ZFHX3: variants seen among roughly 807,000 people sequenced by gnomAD.
ZFHX3 encodes zinc finger homeobox protein 3.
In ZFHX3, 42 loss-of-function variants were observed where a neutral mutation model predicts 279.1. The observed-to-expected ratio is 0.15, with a 90% CI of 0.12 to 0.19. The LOEUF is 0.19. Ranked by LOEUF, ZFHX3 falls within the 10% of genes least tolerant of loss-of-function variation. The pLI, the probability that ZFHX3 is intolerant of heterozygous loss-of-function variation, is 1.00. For synonymous variants in ZFHX3, 2,293 were observed against 1,957.8 expected (o/e 1.17, Z -4.52); for missense variants, 4,981 against 4,754.0 (o/e 1.05, Z -1.40).
intron 2 of ZFHX3, among the ~76,000 whole-genome samples, chr16:73,490,701 G>T (rs956554568): frequency 7.9e-5 from 12 of 152,254 alleles, no homozygotes; most frequent in African/African-American, 2.9e-4. Context: ...AGCCAAGCGT[G>T]GTGGCACGTG....
rs183327121 is a variant in ZFHX3, at chr16:73,287,987, C to T, written c.-1194+30253G>A. On this transcript the variant is annotated intron_variant, in intron 4 of 17. Coordinates refer to the ZFHX3 transcript ENST00000641206. ...CTCCAAGCCTTCTTGCTGTCCCCTC[C>T]GTTCCTCCCTCTCACAGGATAGAGA... is the stretch of plus-strand genomic sequence containing the variant. 2.5e-3 allele frequency among the ~76,000 whole-genome samples: 375 copies of T among 152,212 alleles called. 6 individuals carry two copies. The highest frequency in any genetic ancestry group is 0.019 in the Admixed American group (285 of 15,292).
Position 72,877,819 on chromosome 16 carries a change from T to C in ZFHX3, c.3448+11912A>G, listed in dbSNP as rs917621255. ...CAGTCAGCCCTGTACTCAAGGTTGC[T>C]GGAGACATGGCGCCTCTATTTCCTG... is the stretch of plus-strand genomic sequence containing the variant. On this transcript the variant is annotated intron_variant, in intron 4 of 9. Transcript: ENST00000268489. Among the ~76,000 whole-genome samples the C allele has an allele frequency of 6.6e-4, 100 of 152,214 alleles. 2 individuals are homozygous for C. The highest frequency in any genetic ancestry group is 4.6e-4 in the Admixed American group (7 of 15,284).
chr16:73,463,193 A>G (rs2018502423), intron 2 of ZFHX3, among the ~76,000 whole-genome samples: 1 of 152,268 alleles, frequency 6.6e-6, no homozygotes, highest in South Asian at 2.1e-4. Context: ...GTGGAATAAT[A>G]GTTAACATTT....
intron 2 of ZFHX3, among the ~76,000 whole-genome samples, chr16:72,955,780 A>AAG (rs1708666295): frequency 6.6e-6 from 1 of 151,392 alleles, no homozygotes; most frequent in African/African-American, 2.4e-5. Flanking sequence ...CTGTCTCAAA[A>AAG]AAAAAAAAAA....
At chr16:73,116,280 G>C (rs1966432674) in intron 7 of ZFHX3, among the ~76,000 whole-genome samples, 1 of 152,144 alleles carries the variant, frequency 6.6e-6, no homozygotes, top group Non-Finnish European at 1.5e-5. Flanking sequence ...TGGCGGGGGA[G>C]TGTCCCTTGA....
In ZFHX3 at chr16:72,957,407, A is replaced by AAAC; in HGVS notation, c.2719+17_2719+19dup. On this transcript the variant is annotated intron_variant, in intron 2 of 9. Coordinates refer to ENST00000268489, the MANE Select transcript of ZFHX3 (RefSeq NM_006885.4). ...TTAAACTCCTATCATGAAAACAGACAAACACGTAGTCATCCTCACCTAGAG... is the reference window on the plus strand; with the variant it reads ...TTAAACTCCTATCATGAAAACAGACAAACAACACGTAGTCATCCTCACCTAGAG... The AAAC allele has an allele frequency of 3.2e-6, 5 of 1,578,240 alleles. No homozygotes were observed. Among genetic ancestry groups the AAAC allele is most frequent in the Non-Finnish European group, 4.3e-6 (5 of 1,161,350 alleles).
At chr16:73,026,248 A>G (rs903283630) in intron 1 of ZFHX3, among the ~76,000 whole-genome samples, 1 of 147,686 alleles carries the variant, frequency 6.8e-6, no homozygotes, top group Non-Finnish European at 1.5e-5. Flanking sequence ...AGGCGCCTGT[A>G]ATCCCAGCAA....
intron 4 of ZFHX3, among the ~76,000 whole-genome samples, chr16:73,261,753 G>A (rs1272087865): frequency 2.2e-5 from 3 of 133,762 alleles, no homozygotes; most frequent in Admixed American, 8.9e-5. Flanking sequence ...TCGGCTCACC[G>A]CAACTTCCGC....
chr16:72,809,820 G>A (rs2036385217), intron 7 of ZFHX3: 1 of 151,598 alleles, frequency 6.6e-6, no homozygotes, highest in African/African-American at 2.4e-5. Context: ...CTAAAATAAT[G>A]CTAAGAAAGA....
intron 2 of ZFHX3, among the ~76,000 whole-genome samples, chr16:73,489,752 GAAA>G (rs1180410473): frequency 1.3e-5 from 2 of 151,788 alleles, no homozygotes; most frequent in African/African-American, 4.8e-5. Flanking sequence ...TTTATAAAAA[GAAA>G]CAAAATTCTG....
intron 2 of ZFHX3, among the ~76,000 whole-genome samples, chr16:73,644,431 G>A (rs1048235061): frequency 2.0e-5 from 3 of 151,974 alleles, no homozygotes; most frequent in Non-Finnish European, 4.4e-5. Flanking sequence ...AGGCAGAGGG[G>A]GGCAGATTAC....
chr16:72,910,989 A>T (rs1298125750), intron 3 of ZFHX3, among the ~76,000 whole-genome samples: 1 of 152,204 alleles, frequency 6.6e-6, no homozygotes, highest in Non-Finnish European at 1.5e-5. Flanking sequence ...GCTGGCAAGT[A>T]GGAGTCACAG....
intron 4 of ZFHX3, among the ~76,000 whole-genome samples, chr16:72,839,441 C>A (rs962781157): frequency 6.6e-6 from 1 of 152,164 alleles, no homozygotes; most frequent in African/African-American, 2.4e-5. Context: ...TCACACCAAA[C>A]TGGAATGTTC....
At chr16:73,773,750 T>C (rs2054046360) in intron 1 of ZFHX3, among the ~76,000 whole-genome samples, 1 of 152,090 alleles carries the variant, frequency 6.6e-6, no homozygotes, top group African/African-American at 2.4e-5. Context: ...TGGGTGTTGA[T>C]GAAAACACCT....
chr16:73,407,273 C>T (rs2017379481), intron 3 of ZFHX3, among the ~76,000 whole-genome samples: 1 of 152,154 alleles, frequency 6.6e-6, no homozygotes. Context: ...GGCCGCTATG[C>T]TTTGTGACTA....
intron 4 of ZFHX3, among the ~76,000 whole-genome samples, chr16:72,872,550 C>T (rs1293407994): frequency 3.9e-5 from 6 of 152,150 alleles, no homozygotes; most frequent in Non-Finnish European, 5.9e-5. Context: ...CTCCGTCTCC[C>T]GGGTTCAAGC....
chr16:73,292,430 T>C (rs1196861067), intron 4 of ZFHX3, among the ~76,000 whole-genome samples: 1 of 152,182 alleles, frequency 6.6e-6, no homozygotes, highest in African/African-American at 2.4e-5. Context: ...CCAGCCCAAA[T>C]CTAGAACCCC....
chr16:73,389,576 A>C (rs1002497938), intron 3 of ZFHX3, among the ~76,000 whole-genome samples: 9 of 152,180 alleles, frequency 5.9e-5, no homozygotes, highest in African/African-American at 2.2e-4. Context: ...ATACCTGTGG[A>C]CGTCTCATCT....
chr16:73,874,511 C>G (rs1399330367), intron 1 of ZFHX3, among the ~76,000 whole-genome samples: 1 of 152,188 alleles, frequency 6.6e-6, no homozygotes, highest in Non-Finnish European at 1.5e-5. Flanking sequence ...TTCCTCCCCT[C>G]TAAATGTACA....
Sources: gnomAD v4.1 joint callset for allele counts (sites outside exome capture counted in the v4.1 genomes callset) on GRCh38, gnomAD v4.1.1 for gene constraint, MANE v1.5 for transcripts, NCBI Gene and HGNC (gene_info 2026-07-23, HGNC 2026-07-21) for gene names.